CENPP: variants seen among roughly 807,000 people sequenced by gnomAD.
CENPP encodes the protein centromere protein P.
CENPP carries 24 observed loss-of-function variants against 35.6 expected under a neutral mutation model. The observed-to-expected ratio is 0.67, with a 90% CI of 0.49 to 0.95. The LOEUF (loss-of-function observed/expected upper bound fraction) is 0.95. Ranked by LOEUF, CENPP falls within the 40% of genes least tolerant of loss-of-function variation. CENPP has a pLI of 0.00. For synonymous variants in CENPP, 120 were observed against 125.5 expected (o/e 0.96, Z 0.29); for missense variants, 332 against 345.3 (o/e 0.96, Z 0.31).
At chr9:92,556,567 C>G (rs914344398) in intron 5 of CENPP, among the ~76,000 whole-genome samples, 6 of 152,172 alleles carry the variant, frequency 3.9e-5, no homozygotes, top group Non-Finnish European at 7.3e-5. Context: ...TTGGACAAGG[C>G]CTTTTACCAT....
intron 5 of CENPP, among the ~76,000 whole-genome samples, chr9:92,527,647 T>G (rs1214606629): frequency 6.6e-6 from 1 of 152,132 alleles, no homozygotes; most frequent in African/African-American, 2.4e-5. Flanking sequence ...GAGCATGAGC[T>G]CAGGGTAATG....
intron 5 of CENPP, among the ~76,000 whole-genome samples, chr9:92,562,078 A>C (rs1849859955): frequency 6.6e-6 from 1 of 152,186 alleles, no homozygotes; most frequent in Non-Finnish European, 1.5e-5. Context: ...TCAATGCCTG[A>C]ATTTGGTAAC....
chr9:92,522,497 C>G, intron 5 of CENPP: 2 of 1,330,886 alleles, frequency 1.5e-6, no homozygotes, highest in Non-Finnish European at 2.0e-6. Flanking sequence ...CTCCCTCTCT[C>G]CCTCTCTCCT....
intron 5 of CENPP, among the ~76,000 whole-genome samples, chr9:92,560,546 C>G (rs1241275852): frequency 6.6e-6 from 1 of 152,210 alleles, no homozygotes; most frequent in Non-Finnish European, 1.5e-5. Flanking sequence ...TGGAGCCTGT[C>G]TGACAGCACC....
intron 5 of CENPP, among the ~76,000 whole-genome samples, chr9:92,431,729 C>T (rs1403887618): frequency 6.6e-6 from 1 of 152,052 alleles, no homozygotes; most frequent in Non-Finnish European, 1.5e-5. Context: ...CGCCTGCCAC[C>T]ACGCCTGGCT....
chr9:92,606,917 T>G (rs187025182), intron 5 of CENPP, among the ~76,000 whole-genome samples: 1 of 152,056 alleles, frequency 6.6e-6, no homozygotes, highest in Admixed American at 6.6e-5. Flanking sequence ...GAGCCAAGAT[T>G]GCACCACTGC....
At chr9:92,543,003 CTT>C (rs1849349749) in intron 5 of CENPP, among the ~76,000 whole-genome samples, 1 of 152,272 alleles carries the variant, frequency 6.6e-6, no homozygotes, top group East Asian at 1.9e-4. Context: ...TCTCTTGGCA[CTT>C]TTGTCAAAAA....
intron 5 of CENPP, among the ~76,000 whole-genome samples, chr9:92,450,887 A>G (rs543498097): frequency 1.3e-5 from 2 of 152,178 alleles, no homozygotes; most frequent in South Asian, 4.2e-4. Context: ...GGCTGCATAC[A>G]TGTCTTCTTT....
At chr9:92,434,434 T>C (rs1177518738) in intron 5 of CENPP, among the ~76,000 whole-genome samples, 1 of 151,768 alleles carries the variant, frequency 6.6e-6, no homozygotes, top group Non-Finnish European at 1.5e-5. Context: ...ATCGAAATAT[T>C]TAGTTAACAT....
At chr9:92,582,517 A>G (rs929107641) in intron 5 of CENPP, among the ~76,000 whole-genome samples, 8 of 152,178 alleles carry the variant, frequency 5.3e-5, no homozygotes, top group Non-Finnish European at 1.2e-4. Flanking sequence ...AAAATTCACT[A>G]AAATAATTGC....
At chr9:92,385,729 A>C in intron 5 of CENPP, 8 of 1,614,194 alleles carry the variant, frequency 5.0e-6, no homozygotes, top group Non-Finnish European at 6.8e-6. Context: ...GCGGTCCCGG[A>C]TGTAACTGGT....
At position 92,375,059 on chromosome 9, in the gene CENPP, C is replaced by T. The variant is rs192068256; in HGVS notation, c.468-4704C>T. Among the ~76,000 whole-genome samples the T allele has an allele frequency of 9.7e-4, 147 of 152,224 alleles. 1 individual carries two copies. Among genetic ancestry groups the T allele is most frequent in the Non-Finnish European group, 1.1e-3 (77 of 68,010 alleles). ...GAGTTTATCCTATTTGCAGTTTATGCACTTCTTGGATGTGTATATTAACTT... is the reference window on the plus strand; with the variant it reads ...GAGTTTATCCTATTTGCAGTTTATGTACTTCTTGGATGTGTATATTAACTT... On this transcript the variant is annotated intron_variant, in intron 4 of 7. Transcript: ENST00000375587.
chr9:92,536,467 TC>T, intron 5 of CENPP: 1 of 119,030 alleles, frequency 8.4e-6, no homozygotes, highest in South Asian at 2.7e-4. Flanking sequence ...CCCACCTCGA[TC>T]TCACACACAA....
At chr9:92,454,173 A>G (rs1380115487) in intron 5 of CENPP, among the ~76,000 whole-genome samples, 1 of 152,174 alleles carries the variant, frequency 6.6e-6, no homozygotes, top group Non-Finnish European at 1.5e-5. Context: ...TTGGTTGTTT[A>G]TGATTTTTAT....
intron 3 of CENPP, among the ~76,000 whole-genome samples, chr9:92,343,790 A>G (rs953444613): frequency 1.3e-5 from 2 of 151,980 alleles, no homozygotes; most frequent in African/African-American, 4.8e-5. Context: ...TAAAAAATAT[A>G]TATTTTTTTA....
intron 5 of CENPP, among the ~76,000 whole-genome samples, chr9:92,419,076 A>G (rs993426382): frequency 5.9e-5 from 9 of 152,232 alleles, no homozygotes; most frequent in African/African-American, 2.2e-4. Context: ...GGAGGAGGAT[A>G]TTGTGTGGAA....
At chr9:92,466,307 T>C in intron 5 of CENPP, 1 of 1,203,468 alleles carries the variant, frequency 8.3e-7, no homozygotes, top group Non-Finnish European at 1.2e-6. Context: ...GTGTTCTACA[T>C]CTGCTTGTTT....
At chr9:92,436,392 A>C (rs1844246951) in intron 5 of CENPP, among the ~76,000 whole-genome samples, 1 of 152,154 alleles carries the variant, frequency 6.6e-6, no homozygotes, top group Non-Finnish European at 1.5e-5. Flanking sequence ...CACAGAGCAA[A>C]AGTTTTAAAT....
intron 5 of CENPP, among the ~76,000 whole-genome samples, chr9:92,594,383 T>A (rs1271108739): frequency 6.6e-6 from 1 of 152,198 alleles, no homozygotes; most frequent in East Asian, 1.9e-4. Context: ...CTTCTGGCTC[T>A]GGGCCACTGG....
Sources: allele counts gnomAD v4.1 joint callset (sites outside exome capture counted in the v4.1 genomes callset), GRCh38; gene constraint gnomAD v4.1.1; transcripts MANE v1.5; gene names NCBI Gene and HGNC (gene_info 2026-07-23, HGNC 2026-07-21).